The following GOLPH3 variants were observed in gnomAD, a reference collection of about 807,000 sequenced individuals.
The protein encoded by GOLPH3 is golgi phosphoprotein 3.
Under a neutral mutation model 28.5 loss-of-function variants are expected in GOLPH3, and 14 were observed. That is an observed-to-expected ratio of 0.49 (90% CI 0.32 to 0.77). GOLPH3 has a LOEUF of 0.77. GOLPH3 is among the 30% of genes least tolerant of loss of function. GOLPH3 has a pLI of 0.03. For synonymous variants in GOLPH3, 158 were observed against 159.2 expected, an observed-to-expected ratio of 0.99 and a Z score of 0.06; for missense variants, 350 against 393.7, an observed-to-expected ratio of 0.89 and a Z score of 0.94.
At chr5:32,148,564 A>T (rs80173543) in intron 1 of GOLPH3, among the ~76,000 whole-genome samples, 1 of 152,142 alleles carries the variant, frequency 6.6e-6, no homozygotes, top group Non-Finnish European at 1.5e-5. Context: ...TTGGGAGGCC[A>T]AGGTGGGCAG....
In GOLPH3 at chr5:32,162,804, C is replaced by A. The variant is rs112561478; in HGVS notation, c.225+11006G>T. Reference sequence around the variant, plus strand: ...ACACAAAAGTAGGCCCATGGCCGGGCGCGGTGGCTCACGCCTGTAATCCCA... The same window carrying A: ...ACACAAAAGTAGGCCCATGGCCGGGAGCGGTGGCTCACGCCTGTAATCCCA... On this transcript the variant is annotated intron_variant, in intron 1 of 3. Transcript: ENST00000265070. Among the ~76,000 whole-genome samples the A allele has an allele frequency of 9.9e-3, 1,504 of 152,308 alleles. 25 individuals carry two copies. Among genetic ancestry groups the A allele is most frequent in the African/African-American group, 0.035 (1,463 of 41,568 alleles).
intron 1 of GOLPH3, among the ~76,000 whole-genome samples, chr5:32,158,003 AAATAAATAAATAAAT>A (rs1746470301): frequency 1.0e-5 from 1 of 98,152 alleles, no homozygotes; most frequent in African/African-American, 4.1e-5. Context: ...ATAAATAAAT[AAATAAATAAATAAAT>A]AAAATACACA....
Position 32,126,000 on chromosome 5 carries a change from G to A in GOLPH3, c.*212C>T, listed in dbSNP as rs980670628. Reference sequence around the variant, plus strand: ...CAACAGGGAATGGAATGCCAATATGGCAGTAAAACTTTTTTTAAAAACAGA... The same window carrying A: ...CAACAGGGAATGGAATGCCAATATGACAGTAAAACTTTTTTTAAAAACAGA... On this transcript the variant is annotated 3_prime_UTR_variant, in exon 4 of 4. Transcript: ENST00000265070. The A allele has an allele frequency of 3.4e-5, 17 of 502,358 alleles. No individual in the cohort carries two copies. Among genetic ancestry groups the A allele is most frequent in the African/African-American group, 3.1e-4 (16 of 50,902 alleles). 31.1% of individuals were successfully genotyped at this position (502,358 alleles called of 1,614,324 possible). A position where few individuals can be genotyped will look rare whatever the true frequency, so the allele number is the denominator to read the frequency against.
intron 2 of GOLPH3, among the ~76,000 whole-genome samples, chr5:32,138,192 G>A (rs1200169143): frequency 2.0e-5 from 3 of 152,172 alleles, no homozygotes; most frequent in South Asian, 2.1e-4. Context: ...ATGAGCCATC[G>A]TGCCCCACCA....
At chr5:32,136,379 G>A (rs1745932241) in intron 2 of GOLPH3, among the ~76,000 whole-genome samples, 1 of 151,896 alleles carries the variant, frequency 6.6e-6, no homozygotes, top group Non-Finnish European at 1.5e-5. Flanking sequence ...TACTCTGGAG[G>A]CTGAGGCAGG....
chr5:32,145,764 A>C (rs1438161872), intron 1 of GOLPH3, among the ~76,000 whole-genome samples: 1 of 152,218 alleles, frequency 6.6e-6, no homozygotes, highest in Non-Finnish European at 1.5e-5. Flanking sequence ...CAGAGATCTA[A>C]ATTTAGTGAA....
intron 1 of GOLPH3, among the ~76,000 whole-genome samples, chr5:32,151,907 C>A (rs1161512795): frequency 6.6e-6 from 1 of 152,074 alleles, no homozygotes; most frequent in Admixed American, 6.6e-5. Context: ...ATATGGGGTA[C>A]CTAGAATAGT....
chr5:32,126,415 T>G lies in GOLPH3; in HGVS notation c.694A>C (p.Met232Leu). Residue 232 changes from methionine (M) to leucine (L), a missense_variant, in exon 4 of 4, where the codon ATG (methionine) becomes CTG (leucine). Coordinates refer to ENST00000265070, the MANE Select transcript of GOLPH3 (RefSeq NM_022130.4). ...ATGAGGGCCAGCAAGCGCCTGTCCA[T>G]GCGGTGAGGGTCATTCACCCATTTG... ...LDKWVNDPHR[M>L]DRRLLALIYL... 1 of 1,614,206 alleles carries G rather than the reference T, an allele frequency of 6.2e-7. No individual in the cohort carries two copies. Among genetic ancestry groups the G allele is most frequent in the Non-Finnish European group, 8.5e-7 (1 of 1,180,040 alleles).
At position 32,161,857 on chromosome 5, in the gene GOLPH3, C is replaced by G. The variant is rs1746587607; in HGVS notation, c.225+11953G>C. ...CCTGGCTAACACGGTGAGACCCCGC[C>G]TCTACTAAAAATACAAAAAATTAGC... On this transcript the variant is annotated intron_variant, in intron 1 of 3. Coordinates refer to ENST00000265070, the MANE Select transcript of GOLPH3 (RefSeq NM_022130.4). Among the ~76,000 whole-genome samples, 2 of 150,510 alleles carry G rather than the reference C, an allele frequency of 1.3e-5. 1 individual carries two copies. The highest frequency in any genetic ancestry group is 5.0e-5 in the African/African-American group (2 of 40,092).
chr5:32,138,601 T>C (rs1044284364), intron 2 of GOLPH3, among the ~76,000 whole-genome samples: 1 of 152,232 alleles, frequency 6.6e-6, no homozygotes. Context: ...AATATTTTGA[T>C]TTAACCAAAT....
At chr5:32,147,436 CA>C (rs771355320) in intron 1 of GOLPH3, among the ~76,000 whole-genome samples, 98 of 129,446 alleles carry the variant, frequency 7.6e-4, no homozygotes, top group Non-Finnish European at 9.3e-4. Context: ...TCATCTCAAA[CA>C]AAAAAAAAAA....
chr5:32,154,997 C>T (rs1746386926), intron 1 of GOLPH3, among the ~76,000 whole-genome samples: 1 of 151,638 alleles, frequency 6.6e-6, no homozygotes, highest in Non-Finnish European at 1.5e-5. Context: ...ACAGAAGAAT[C>T]ACTTGAACCC....
intron 2 of GOLPH3, among the ~76,000 whole-genome samples, chr5:32,137,258 C>A (rs1745954681): frequency 1.3e-5 from 2 of 151,836 alleles, no homozygotes; most frequent in African/African-American, 4.8e-5. Flanking sequence ...TGCACCTGGC[C>A]CTGAAAGGTT....
In GOLPH3 at chr5:32,173,796, C is replaced by A; in HGVS notation, c.225+14G>T. ...CCGCGCCGCCGCCCCCCGCCCAGCCCGCCGCGCCCGCACCTCGCGGTCCTT... is the reference window on the plus strand; with the variant it reads ...CCGCGCCGCCGCCCCCCGCCCAGCCAGCCGCGCCCGCACCTCGCGGTCCTT... On this transcript the variant is annotated intron_variant, in intron 1 of 3. Transcript: ENST00000265070. 3 of 1,377,346 alleles carry A rather than the reference C, an allele frequency of 2.2e-6. No individual in the cohort carries two copies. The highest frequency in any genetic ancestry group is 1.8e-5 in the South Asian group (1 of 56,480). 85.3% of individuals were successfully genotyped at this position (1,377,346 alleles called of 1,614,324 possible).
Position 32,163,003 on chromosome 5 carries a change from G to A in GOLPH3, c.225+10807C>T, listed in dbSNP as rs575758557. Among the ~76,000 whole-genome samples, 478 of 152,242 alleles carry A rather than the reference G, an allele frequency of 3.1e-3. 1 individual carries two copies. The highest frequency in any genetic ancestry group is 0.011 in the African/African-American group (447 of 41,530). On this transcript the variant is annotated intron_variant, in intron 1 of 3. Transcript: ENST00000265070. The stretch of plus-strand genomic sequence containing the variant: ...TGAGGCAGGAGAATGGCGTGAACCC[G>A]GGAGGCAGAGCTTGCAGTGAGCCAA...
intron 1 of GOLPH3, among the ~76,000 whole-genome samples, chr5:32,160,680 T>G (rs972293108): frequency 6.6e-6 from 1 of 152,198 alleles, no homozygotes; most frequent in Non-Finnish European, 1.5e-5. Flanking sequence ...AGAGTCTCAC[T>G]AGGCAGTAAG....
In GOLPH3 at chr5:32,124,896, A is replaced by G. The variant is rs1745641530; in HGVS notation, c.*1316T>C. 6.5e-6 allele frequency: 1 copy of G among 152,686 alleles called. No individual in the cohort carries two copies. The highest frequency in any genetic ancestry group is 2.4e-5 in the African/African-American group (1 of 41,464). The allele number at this position is 152,686 out of a possible 1,614,324, so 9.5% of individuals were successfully genotyped here. ...GAAAGCCCCACTATTAACATGGACT[A>G]TGGTAATAAAAAATTTTGACATTTA... On this transcript the variant is annotated 3_prime_UTR_variant, in exon 4 of 4. Coordinates refer to ENST00000265070, the MANE Select transcript of GOLPH3 (RefSeq NM_022130.4).
chr5:32,141,874 G>C (rs1438696863), intron 2 of GOLPH3, among the ~76,000 whole-genome samples: 1 of 145,150 alleles, frequency 6.9e-6, no homozygotes, highest in Non-Finnish European at 1.5e-5. Context: ...GAGGTGCCGG[G>C]ATTGCAGACG....
chr5:32,155,235 G>C (rs1443163295), intron 1 of GOLPH3, among the ~76,000 whole-genome samples: 1 of 152,124 alleles, frequency 6.6e-6, no homozygotes, highest in Non-Finnish European at 1.5e-5. Flanking sequence ...ACCCAGGCTA[G>C]AGTGCAGTGG....
Sources: gnomAD v4.1 joint callset for allele counts (sites outside exome capture counted in the v4.1 genomes callset) on GRCh38, gnomAD v4.1.1 for gene constraint, MANE v1.5 for transcripts, NCBI Gene and HGNC (gene_info 2026-07-23, HGNC 2026-07-21) for gene names.